SV2C: variants seen among roughly 807,000 people sequenced by gnomAD.
SV2C encodes the protein synaptic vesicle glycoprotein 2C, also known as solute carrier family 22 member B3.
SV2C carries 49 observed loss-of-function variants against 79.7 expected under a neutral mutation model. The observed-to-expected ratio is 0.61, with a 90% CI of 0.49 to 0.78. The LOEUF (loss-of-function observed/expected upper bound fraction) is 0.78. SV2C is among the 30% of genes least tolerant of loss of function. The probability of loss-of-function intolerance (pLI) is 0.00; values close to 1 mark genes in which losing one functional copy is unlikely to be tolerated. For synonymous variants in SV2C, 334 were observed against 333.2 expected, an observed-to-expected ratio of 1.00 and a Z score of -0.03; for missense variants, 833 against 912.9, an observed-to-expected ratio of 0.91 and a Z score of 1.13.
intron 2 of SV2C, among the ~76,000 whole-genome samples, chr5:76,155,819 C>T (rs534481740): frequency 3.8e-4 from 58 of 151,702 alleles, no homozygotes; most frequent in African/African-American, 1.4e-3. Flanking sequence ...GTTCTAGAGC[C>T]CTAACTCAGA....
intron 3 of SV2C, among the ~76,000 whole-genome samples, chr5:76,202,754 C>A (rs1173069383): frequency 6.6e-6 from 1 of 152,136 alleles, no homozygotes; most frequent in Non-Finnish European, 1.5e-5. Context: ...CTTCATGTAG[C>A]TACCAAGCAC....
rs567431523 is a variant in SV2C, at chr5:76,330,371, C to T, written c.*4824C>T. 6.6e-6 allele frequency: 1 copy of T among 152,262 alleles called. No individual in the cohort carries two copies. Among genetic ancestry groups the T allele is most frequent in the South Asian group, 2.1e-4 (1 of 4,820 alleles). The allele number at this position is 152,262 out of a possible 1,614,324, so 9.4% of individuals were successfully genotyped here. A position where few individuals can be genotyped will look rare whatever the true frequency, so the allele number is the denominator to read the frequency against. Reference sequence around the variant, plus strand: ...GGGCAGGGGAAGAGCTGAGCCGAGCCTTCACTGATCTCTTGTCATTTCATA... The same window carrying T: ...GGGCAGGGGAAGAGCTGAGCCGAGCTTTCACTGATCTCTTGTCATTTCATA... On this transcript the variant is annotated 3_prime_UTR_variant, in exon 13 of 13. Transcript: ENST00000502798.
chr5:76,001,931 T>A, the SV2C span, among the ~76,000 whole-genome samples: 1 of 152,102 alleles, frequency 6.6e-6, no homozygotes, highest in Non-Finnish European at 1.5e-5. Flanking sequence ...CAACATGTAG[T>A]CTTTTATTCC....
At chr5:76,051,299 T>G in the SV2C span, among the ~76,000 whole-genome samples, 1 of 152,076 alleles carries the variant, frequency 6.6e-6, no homozygotes, top group Non-Finnish European at 1.5e-5. Flanking sequence ...TACTCAGAGG[T>G]GTTGAAGATG....
chr5:76,215,530 T>C (rs1744887228), intron 4 of SV2C, among the ~76,000 whole-genome samples: 1 of 152,218 alleles, frequency 6.6e-6, no homozygotes, highest in African/African-American at 2.4e-5. Flanking sequence ...TAAAAGTCTA[T>C]CCACTTTCCC....
the SV2C span, among the ~76,000 whole-genome samples, chr5:76,047,650 A>G: frequency 6.6e-6 from 1 of 152,360 alleles, no homozygotes; most frequent in East Asian, 1.9e-4. Context: ...TTAAAAAATT[A>G]TGCTAGACAG....
chr5:75,936,426 T>G, the SV2C span, among the ~76,000 whole-genome samples: 2 of 152,328 alleles, frequency 1.3e-5, no homozygotes, highest in African/African-American at 4.8e-5. Context: ...TTTTACTTTT[T>G]GAATTGTGAA....
intron 4 of SV2C, among the ~76,000 whole-genome samples, chr5:76,240,740 T>G (rs1745758678): frequency 6.6e-6 from 1 of 152,186 alleles, no homozygotes; most frequent in South Asian, 2.1e-4. Context: ...CAAGTCCCTG[T>G]CTCAGGCTCC....
intron 12 of SV2C, among the ~76,000 whole-genome samples, chr5:76,320,410 C>A (rs1003215511): frequency 3.3e-5 from 5 of 152,104 alleles, no homozygotes; most frequent in African/African-American, 1.2e-4. Flanking sequence ...ATGTACAACA[C>A]CAATGTAATG....
chr5:76,116,540 GC>G (rs1413658544), intron 1 of SV2C, among the ~76,000 whole-genome samples: 1 of 152,098 alleles, frequency 6.6e-6, no homozygotes, highest in Non-Finnish European at 1.5e-5. Context: ...TCAGGTCCTG[GC>G]TTTGTTTCTC....
chr5:76,109,677 G>A (rs528118543), intron 1 of SV2C, among the ~76,000 whole-genome samples: 2 of 152,260 alleles, frequency 1.3e-5, no homozygotes, highest in African/African-American at 4.8e-5. Context: ...AGAAACTGAG[G>A]CAGAGACTGG....
At chr5:75,862,065 C>A in the SV2C span, among the ~76,000 whole-genome samples, 1 of 152,210 alleles carries the variant, frequency 6.6e-6, no homozygotes, top group African/African-American at 2.4e-5. Context: ...CCTGTTACAT[C>A]ATAAATAAGT....
intron 12 of SV2C, among the ~76,000 whole-genome samples, chr5:76,350,070 T>C (rs898855205): frequency 1.6e-4 from 25 of 152,200 alleles, no homozygotes; most frequent in Non-Finnish European, 2.8e-4. Flanking sequence ...GGAGGTGTGT[T>C]ACATCCTTCA....
At chr5:76,174,406 G>A (rs1580329843) in intron 2 of SV2C, among the ~76,000 whole-genome samples, 1 of 152,256 alleles carries the variant, frequency 6.6e-6, no homozygotes, top group African/African-American at 2.4e-5. Context: ...ATGTTGGGGT[G>A]GGAGTTAATA....
the SV2C span, among the ~76,000 whole-genome samples, chr5:76,033,121 G>C: frequency 1.3e-5 from 2 of 151,868 alleles, no homozygotes; most frequent in Non-Finnish European, 2.9e-5. Context: ...AAATTTGTTT[G>C]AGTTCATTGT....
At chr5:75,923,161 G>A in the SV2C span, among the ~76,000 whole-genome samples, 1 of 152,140 alleles carries the variant, frequency 6.6e-6, no homozygotes, top group African/African-American at 2.4e-5. Flanking sequence ...ATAACATAAA[G>A]TGGAGAAAGG....
rs1307844138 is a variant in SV2C at position 76,270,674 on chromosome 5, G to A, written c.914-14488G>A. Among the ~76,000 whole-genome samples, 5 of 152,288 alleles carry A rather than the reference G, an allele frequency of 3.3e-5. No individual in the cohort carries two copies. In the South Asian group the frequency reaches 6.2e-4, roughly 19 times the overall value. Reference sequence around the variant, plus strand: ...GGGGCAGGATGTATATTGTGTTGGGGCTCAAACGAGCAGATGCGAAGCCTT... The same window carrying A: ...GGGGCAGGATGTATATTGTGTTGGGACTCAAACGAGCAGATGCGAAGCCTT... On this transcript the variant is annotated intron_variant, in intron 4 of 12. Transcript: ENST00000502798.
the SV2C span, among the ~76,000 whole-genome samples, chr5:75,903,027 T>A: frequency 6.6e-6 from 1 of 152,194 alleles, no homozygotes; most frequent in African/African-American, 2.4e-5. Flanking sequence ...GATTCTTGTT[T>A]TTATTTTTCA....
In SV2C at chr5:76,236,139, A is replaced by G. The variant is rs146434369; in HGVS notation, c.913+26252A>G. ...AGCATACCCAAAGACTTCTAAGACA[A>G]CTCTTTAGTTATCAAACAAAACTGG... On this transcript the variant is annotated intron_variant, in intron 4 of 12. Coordinates refer to ENST00000502798, the MANE Select transcript of SV2C (RefSeq NM_014979.4). Among the ~76,000 whole-genome samples the G allele has an allele frequency of 2.9e-3, 448 of 152,278 alleles. 1 individual carries two copies. Among genetic ancestry groups the G allele is most frequent in the Non-Finnish European group, 5.4e-3 (366 of 68,020 alleles).
Sources: allele counts gnomAD v4.1 joint callset (sites outside exome capture counted in the v4.1 genomes callset), GRCh38; gene constraint gnomAD v4.1.1; transcripts MANE v1.5; gene names NCBI Gene and HGNC (gene_info 2026-07-23, HGNC 2026-07-21).